GALNT13: variants seen among roughly 807,000 people sequenced by gnomAD.
The protein encoded by GALNT13 is polypeptide N-acetylgalactosaminyltransferase 13.
Under a neutral mutation model 64.2 loss-of-function variants are expected in GALNT13, and 28 were observed. That is an observed-to-expected ratio of 0.44 (90% CI 0.32 to 0.60). The LOEUF is 0.60. GALNT13 is among the 20% of genes least tolerant of loss of function. The probability of loss-of-function intolerance (pLI) is 0.05; values close to 1 mark genes in which losing one functional copy is unlikely to be tolerated. For synonymous variants in GALNT13, 214 were observed against 224.6 expected (o/e 0.95, Z 0.42); for missense variants, 577 against 669.8 (o/e 0.86, Z 1.53).
chr2:154,185,046 G>T, intron 4 of GALNT13, among the ~76,000 whole-genome samples: 1 of 152,060 alleles, frequency 6.6e-6, no homozygotes, highest in East Asian at 1.9e-4. Flanking sequence ...GGCAGGTCCA[G>T]TGATGATAAC....
intron 1 of GALNT13, among the ~76,000 whole-genome samples, chr2:153,889,970 C>T (rs1687445397): frequency 6.6e-6 from 1 of 151,738 alleles, no homozygotes; most frequent in Non-Finnish European, 1.5e-5. Flanking sequence ...TGTGTCTGCA[C>T]TTCTGCTTGC....
At chr2:153,676,137 G>C in the GALNT13 span, among the ~76,000 whole-genome samples, 1 of 151,882 alleles carries the variant, frequency 6.6e-6, no homozygotes. Context: ...ATGAAAAAAA[G>C]ATGAAAAGAA....
the GALNT13 span, among the ~76,000 whole-genome samples, chr2:153,284,892 C>G: frequency 1.3e-5 from 2 of 152,000 alleles, no homozygotes; most frequent in Non-Finnish European, 2.9e-5. Context: ...GGTCCACTGT[C>G]CAATAATAAA....
chr2:153,700,625 A>G, the GALNT13 span, among the ~76,000 whole-genome samples: 7 of 152,210 alleles, frequency 4.6e-5, no homozygotes, highest in South Asian at 8.3e-4. Flanking sequence ...CCCTAAGCTG[A>G]TAAGCAACCC....
the GALNT13 span, among the ~76,000 whole-genome samples, chr2:153,552,575 CTTTTTTTTTTTT>C: frequency 5.2e-3 from 359 of 69,348 alleles, 2 homozygotes; most frequent in African/African-American, 0.018. Context: ...GCTTCTTCTT[CTTTTTTTTTTTT>C]TTTTTTTTTT....
chr2:153,429,929 T>C, the GALNT13 span, among the ~76,000 whole-genome samples: 3 of 152,144 alleles, frequency 2.0e-5, no homozygotes, highest in African/African-American at 7.2e-5. Flanking sequence ...AAAATGTAAA[T>C]TGTATCCTCA....
At chr2:153,771,839 G>A in the GALNT13 span, among the ~76,000 whole-genome samples, 1 of 152,178 alleles carries the variant, frequency 6.6e-6, no homozygotes, top group Non-Finnish European at 1.5e-5. Flanking sequence ...CTGGGTGTGA[G>A]GTGGAGAGAG....
At chr2:153,180,121 G>C in the GALNT13 span, among the ~76,000 whole-genome samples, 1 of 152,034 alleles carries the variant, frequency 6.6e-6, no homozygotes, top group Non-Finnish European at 1.5e-5. Context: ...TTAGGGAAAA[G>C]GGTTCAATTT....
chr2:153,916,535 T>A (rs1182553683), intron 2 of GALNT13, among the ~76,000 whole-genome samples: 1 of 152,146 alleles, frequency 6.6e-6, no homozygotes, highest in Non-Finnish European at 1.5e-5. Flanking sequence ...TATTCTGATC[T>A]CAGTTCAGCA....
chr2:154,235,755 G>C (rs1025620433), intron 4 of GALNT13, among the ~76,000 whole-genome samples: 5 of 152,092 alleles, frequency 3.3e-5, no homozygotes, highest in Non-Finnish European at 5.9e-5. Flanking sequence ...TGTAATCATG[G>C]ATCCTTTGTG....
the GALNT13 span, among the ~76,000 whole-genome samples, chr2:153,088,269 G>C: frequency 6.6e-6 from 1 of 152,032 alleles, no homozygotes; most frequent in Non-Finnish European, 1.5e-5. Flanking sequence ...TATATGTATA[G>C]TTTTAGGGTT....
the GALNT13 span, among the ~76,000 whole-genome samples, chr2:153,697,081 G>T: frequency 1.3e-5 from 2 of 152,178 alleles, no homozygotes; most frequent in African/African-American, 4.8e-5. Flanking sequence ...CCCCATTGCT[G>T]CAGGGCATCT....
At chr2:153,789,461 A>G in the GALNT13 span, among the ~76,000 whole-genome samples, 1 of 152,200 alleles carries the variant, frequency 6.6e-6, no homozygotes, top group South Asian at 2.1e-4. Flanking sequence ...AGGGAAATTT[A>G]TAGTACTAAA....
chr2:153,913,628 T>C (rs1487249832), intron 2 of GALNT13, among the ~76,000 whole-genome samples: 62 of 152,240 alleles, frequency 4.1e-4, no homozygotes, highest in Non-Finnish European at 2.1e-4. Context: ...GGTAGAGGGG[T>C]TTCCTACTGC....
the GALNT13 span, among the ~76,000 whole-genome samples, chr2:153,304,154 G>A: frequency 1.3e-5 from 2 of 151,040 alleles, no homozygotes; most frequent in Non-Finnish European, 2.9e-5. Context: ...GTGAGCAAGA[G>A]AACACTGTTC....
chr2:154,228,915 T>C (rs923955054), intron 4 of GALNT13, among the ~76,000 whole-genome samples: 1 of 152,230 alleles, frequency 6.6e-6, no homozygotes, highest in Non-Finnish European at 1.5e-5. Context: ...GGTCAATTTC[T>C]ATGTTTATCA....
At chr2:153,349,734 C>T in the GALNT13 span, among the ~76,000 whole-genome samples, 58 of 152,048 alleles carry the variant, frequency 3.8e-4, no homozygotes, top group African/African-American at 1.4e-3. Context: ...CAAAGAAAAC[C>T]GAGTAAGTCT....
At chr2:154,021,655 A>G (rs1365299899) in intron 3 of GALNT13, among the ~76,000 whole-genome samples, 1 of 151,784 alleles carries the variant, frequency 6.6e-6, no homozygotes, top group Non-Finnish European at 1.5e-5. Flanking sequence ...AAACAGGGAC[A>G]ATTTGACTTT....
the GALNT13 span, among the ~76,000 whole-genome samples, chr2:153,702,599 A>T: frequency 3.3e-5 from 5 of 152,136 alleles, no homozygotes; most frequent in Admixed American, 3.3e-4. Flanking sequence ...GATGGACTGG[A>T]TGTGGTATAT....
Sources: gnomAD v4.1 joint callset for allele counts (sites outside exome capture counted in the v4.1 genomes callset) on GRCh38, gnomAD v4.1.1 for gene constraint, MANE v1.5 for transcripts, NCBI Gene and HGNC (gene_info 2026-07-23, HGNC 2026-07-21) for gene names.